The following ENG variants were observed in gnomAD, a reference collection of about 807,000 sequenced individuals.
The protein encoded by ENG is CD105 antigen.
A neutral mutation model predicts 71.0 loss-of-function variants in ENG; 17 were observed. The ratio of observed to expected loss-of-function variants is 0.24; its 90% CI spans 0.16 to 0.36. The LOEUF (loss-of-function observed/expected upper bound fraction) is 0.36. ENG is among the 10% of genes least tolerant of loss of function. The pLI, the probability that ENG is intolerant of heterozygous loss-of-function variation, is 1.00. For synonymous variants in ENG, 360 were observed against 366.9 expected (o/e 0.98, Z 0.21); for missense variants, 749 against 868.3 (o/e 0.86, Z 1.73).
intron 13 of ENG, chr9:127,816,673 C>G (rs1418634397): frequency 3.9e-6 from 1 of 254,988 alleles, no homozygotes; most frequent in Non-Finnish European, 7.7e-6. Context: ...TGCCCCCATC[C>G]CTCACCCCTG....
chr9:127,842,917 C>T (rs112172462), intron 2 of ENG, among the ~76,000 whole-genome samples, 177 bp downstream of exon 2: 9 of 152,202 alleles, frequency 5.9e-5, no homozygotes, highest in African/African-American at 1.9e-4. Flanking sequence ...CCAGACCCTG[C>T]CCCTAGAAAT....
intron 7 of ENG, 143 bp downstream of exon 7, chr9:127,824,657 T>C: frequency 1.8e-6 from 2 of 1,129,008 alleles, no homozygotes; most frequent in Non-Finnish European, 2.4e-6. Context: ...CTACTCCCAT[T>C]GTTCCCATGT....
chr9:127,842,404 TTTTTA>T (rs1831056912), intron 2 of ENG, among the ~76,000 whole-genome samples: 1 of 151,546 alleles, frequency 6.6e-6, no homozygotes, highest in South Asian at 2.1e-4. Flanking sequence ...AATTTTTGTA[TTTTTA>T]TTTTATTTTT....
chr9:127,820,064 A>T (rs750721037), intron 8 of ENG, 27 bp from the exon 9 acceptor site: 1 of 1,611,066 alleles, frequency 6.2e-7, no homozygotes, highest in Non-Finnish European at 8.5e-7. Flanking sequence ...GGGCACCATC[A>T]GGAGGCACTG....
chr9:127,826,070 A>G (rs1012986868), intron 4 of ENG, among the ~76,000 whole-genome samples: 21 of 152,216 alleles, frequency 1.4e-4, no homozygotes, highest in African/African-American at 5.1e-4. Context: ...GTGTGTTAAC[A>G]TAAGGGATGA....
At chr9:127,839,580 G>A (rs1342633868) in intron 2 of ENG, among the ~76,000 whole-genome samples, 3 of 152,124 alleles carry the variant, frequency 2.0e-5, no homozygotes, top group Non-Finnish European at 4.4e-5. Flanking sequence ...TTTTGAGACA[G>A]GGTCTTGCTC....
In ENG at chr9:127,818,968, C is replaced by T. The variant is rs571996476; in HGVS notation, c.1312-136G>A. 2.5e-4 allele frequency: 188 copies of T among 752,728 alleles called. No individual in the cohort carries two copies. In the African/African-American group the frequency reaches 3.0e-3, roughly 12 times the overall value. 46.6% of individuals were successfully genotyped at this position (752,728 alleles called of 1,614,324 possible). Reference sequence around the variant, plus strand: ...TTTTTTTTTTTTTGAGACGGAGTCTCGCTCTGTCGCCCAGGCTGGAGTGCA... The same window carrying T: ...TTTTTTTTTTTTTGAGACGGAGTCTTGCTCTGTCGCCCAGGCTGGAGTGCA... On this transcript the variant is annotated intron_variant, in intron 10 of 14. Transcript: ENST00000373203.
chr9:127,842,018 C>T (rs1233563263), intron 2 of ENG, among the ~76,000 whole-genome samples: 3 of 152,164 alleles, frequency 2.0e-5, no homozygotes, highest in Admixed American at 6.6e-5. Flanking sequence ...CAGTCTCTAG[C>T]ACATAGCGCT....
At chr9:127,853,984 G>T (rs117253420) in intron 1 of ENG, among the ~76,000 whole-genome samples, 2 of 152,224 alleles carry the variant, frequency 1.3e-5, no homozygotes, top group South Asian at 4.1e-4. Flanking sequence ...CTCTCCCGTC[G>T]CTGCACAGCA....
chr9:127,842,924 A>G (rs1365611770), intron 2 of ENG, among the ~76,000 whole-genome samples, 170 bp downstream of exon 2: 1 of 152,076 alleles, frequency 6.6e-6, no homozygotes, highest in Non-Finnish European at 1.5e-5. Flanking sequence ...CTGCCCCTAG[A>G]AATGCCACCT....
chr9:127,815,196 GCTC>G lies in ENG; in HGVS notation c.*483_*485del. The G allele has an allele frequency of 6.4e-6, 1 of 156,022 alleles. No homozygotes were observed. The highest frequency in any genetic ancestry group is 3.3e-3 in the Middle Eastern group (1 of 302). 9.7% of individuals were successfully genotyped at this position (156,022 alleles called of 1,614,324 possible). A position where few individuals can be genotyped will look rare whatever the true frequency, so the allele number is the denominator to read the frequency against. The stretch of plus-strand genomic sequence containing the variant: ...GGGCTCCCAGGCTGGGCTCCGCTAG[GCTC>G]CTGTCTCCCCTGCCAGTTAGTTAGG... On this transcript the variant is annotated 3_prime_UTR_variant, in exon 15 of 15. Coordinates refer to ENST00000373203, the MANE Select transcript of ENG (RefSeq NM_001114753.3).
chr9:127,833,241 A>C (rs948360254), intron 2 of ENG, among the ~76,000 whole-genome samples: 10 of 152,154 alleles, frequency 6.6e-5, no homozygotes, highest in African/African-American at 2.4e-4. Context: ...AGACAGGTAG[A>C]CCAGGCGTGG....
intron 2 of ENG, among the ~76,000 whole-genome samples, chr9:127,831,678 C>A (rs1256893994): frequency 1.3e-5 from 2 of 150,704 alleles, no homozygotes; most frequent in East Asian, 3.9e-4. Flanking sequence ...AACCACCCTG[C>A]CTGGCCTTTT....
chr9:127,829,665 G>C, intron 3 of ENG, 22 bp downstream of exon 3: 2 of 1,613,656 alleles, frequency 1.2e-6, no homozygotes, highest in Non-Finnish European at 1.7e-6. Flanking sequence ...CCTCAGCCTG[G>C]GGTTGGAGGG....
chr9:127,842,979 G>T, intron 2 of ENG, 115 bp downstream of exon 2: 1 of 1,496,486 alleles, frequency 6.7e-7, no homozygotes, highest in Non-Finnish European at 9.2e-7. Flanking sequence ...TTGGCAGGGG[G>T]CCTAACGAGG....
At chr9:127,821,880 TAAAAAAAAAAA>T (rs34166162) in intron 8 of ENG, among the ~76,000 whole-genome samples, 2 of 53,050 alleles carry the variant, frequency 3.8e-5, no homozygotes, top group African/African-American at 1.4e-4. Flanking sequence ...GAGACTGTCT[TAAAAAAAAAAA>T]AAAAAAAAAA....
At chr9:127,839,648 C>T (rs1485077011) in intron 2 of ENG, among the ~76,000 whole-genome samples, 6 of 152,164 alleles carry the variant, frequency 3.9e-5, no homozygotes, top group East Asian at 1.9e-4. Flanking sequence ...CTCCACCTCC[C>T]GGGTTCAAAC....
chr9:127,818,496 G>A lies in ENG; in HGVS notation c.1429-119C>T, dbSNP rs1238509770. ...CACCCCTGAGTCCTCACAGTGGAAAGAAAGACATGGACCTGTCTGGGGCAG... is the reference window on the plus strand; with the variant it reads ...CACCCCTGAGTCCTCACAGTGGAAAAAAAGACATGGACCTGTCTGGGGCAG... On this transcript the variant is annotated intron_variant, in intron 11 of 14. Coordinates refer to ENST00000373203, the MANE Select transcript of ENG (RefSeq NM_001114753.3). The A allele has an allele frequency of 3.2e-6, 5 of 1,538,640 alleles. No homozygotes were observed. In the African/African-American group the frequency reaches 6.8e-5, roughly 21 times the overall value.
chr9:127,823,540 C>T (rs563953657), intron 8 of ENG, among the ~76,000 whole-genome samples: 4 of 152,096 alleles, frequency 2.6e-5, no homozygotes, highest in African/African-American at 7.2e-5. Context: ...AGGCGCCTGC[C>T]ACCACACCCG....
Sources: gnomAD v4.1 joint callset for allele counts (sites outside exome capture counted in the v4.1 genomes callset) on GRCh38, gnomAD v4.1.1 for gene constraint, MANE v1.5 for transcripts, NCBI Gene and HGNC (gene_info 2026-07-23, HGNC 2026-07-21) for gene names.